Variants in ADGRB1 observed in about 807,000 individuals in gnomAD.
ADGRB1 encodes the protein brain-specific angiogenesis inhibitor 1.
Under a neutral mutation model 175.7 loss-of-function variants are expected in ADGRB1, and 36 were observed. The ratio of observed to expected loss-of-function variants is 0.20; its 90% CI spans 0.16 to 0.27. The LOEUF (loss-of-function observed/expected upper bound fraction) is 0.27, where lower values mean the gene tolerates loss of function less well. Among genes scored for constraint, ADGRB1 ranks in the 10% least tolerant of loss-of-function variants. The pLI is 1.00. For missense variants in ADGRB1, 1,731 were observed against 2,255.3 expected, an observed-to-expected ratio of 0.77 and a Z score of 4.71; for synonymous variants, 1,054 against 979.4, an observed-to-expected ratio of 1.08 and a Z score of -1.42.
Position 142,478,178 on chromosome 8 carries a change from C to T in ADGRB1, c.1388-9C>T. The stretch of plus-strand genomic sequence containing the variant: ...TTCACGCCCACTTTGTGTCTCCTTC[C>T]TCCCCCGGGCCGGGCAGTGGATGGA... On this transcript the variant is annotated splice_polypyrimidine_tract_variant and intron_variant, in intron 6 of 30. Coordinates refer to ENST00000517894, the MANE Select transcript of ADGRB1 (RefSeq NM_001702.3). 2 of 1,597,182 alleles carry T rather than the reference C, an allele frequency of 1.3e-6. No homozygotes were observed. Among genetic ancestry groups the T allele is most frequent in the Non-Finnish European group, 1.7e-6 (2 of 1,172,710 alleles).
rs375975071 is a variant in ADGRB1, at chr8:142,542,153, C to A, written c.3919C>A (p.Leu1307Met). 2 of 1,613,674 alleles carry A rather than the reference C, an allele frequency of 1.2e-6. No homozygotes were observed. Among genetic ancestry groups the A allele is most frequent in the Non-Finnish European group, 1.7e-6 (2 of 1,179,832 alleles). The change falls in exon 28 of 31, where the codon CTG becomes ATG. Residue 1307 changes from leucine to methionine, a missense_variant. This residue lies in a region of ADGRB1 where 394 missense variants were observed against 410.2 expected (regional missense o/e 0.96). Transcript: ENST00000517894. The surrounding 1 kb of genome is among the most constrained non-coding windows in gnomAD (Gnocchi z 6.3). The stretch of plus-strand genomic sequence containing the variant: ...CCTGCCCGACTTCCCCAACCACTCA[C>A]TGACCCTCAAGAGGGACAAGGCGCC... ...GPLPDFPNHSLTLKRDKAPKS... is the reference protein window; with the variant it reads ...GPLPDFPNHSMTLKRDKAPKS...
At chr8:142,530,078 CTGTG>C (rs141929598) in intron 24 of ADGRB1, among the ~76,000 whole-genome samples, 1 of 151,680 alleles carries the variant, frequency 6.6e-6, no homozygotes, top group Non-Finnish European at 1.5e-5. Context: ...GAGTGTGCAT[CTGTG>C]TGTGAGTGCA....
chr8:142,487,400 C>T (rs1346496716), intron 13 of ADGRB1, among the ~76,000 whole-genome samples: 1 of 152,182 alleles, frequency 6.6e-6, no homozygotes, highest in Non-Finnish European at 1.5e-5. Context: ...CCTCCGCTCA[C>T]TGGGTGCTGA....
chr8:142,463,117 G>A (rs190248203), intron 1 of ADGRB1, among the ~76,000 whole-genome samples: 2 of 152,336 alleles, frequency 1.3e-5, no homozygotes, highest in African/African-American at 4.8e-5. Context: ...CATCATGAAT[G>A]ATAGGAAGTA....
At chr8:142,470,146 C>T (rs1484806205) in intron 2 of ADGRB1, among the ~76,000 whole-genome samples, 1 of 152,186 alleles carries the variant, frequency 6.6e-6, no homozygotes, top group African/African-American at 2.4e-5. Flanking sequence ...TTCCCCTCCA[C>T]CTCGTGCTGC....
chr8:142,453,439 C>A (rs1839479933), intron 1 of ADGRB1, among the ~76,000 whole-genome samples: 1 of 152,330 alleles, frequency 6.6e-6, no homozygotes, highest in South Asian at 2.1e-4. Context: ...AGACCCCGAA[C>A]CAGGAGGGTA....
rs371498093 is a variant in ADGRB1 at position 142,493,485 on chromosome 8, C to T, written c.2675+2670C>T. 1.1e-4 allele frequency among the ~76,000 whole-genome samples: 17 copies of T among 152,222 alleles called. No individual in the cohort carries two copies. Among genetic ancestry groups the T allele is most frequent in the African/African-American group, 2.2e-4 (9 of 41,462 alleles). On this transcript the variant is annotated intron_variant, in intron 17 of 30. Transcript: ENST00000517894. The surrounding 1 kb of genome is among the most constrained non-coding windows in gnomAD (Gnocchi z 5.0). ...GTCACACCAGGTGTTCCACCCACCC[C>T]GTCACCGGCTGGGTGCGCTGAGTGC...
rs1840110003 is a variant in ADGRB1, at chr8:142,464,093, T to C, written c.-106T>C. ...CCATCCCACCCTTGCCCCGCCTCCCTGCCCCCACCGGGCCGGCCCTGCCCG... is the reference window on the plus strand; with the variant it reads ...CCATCCCACCCTTGCCCCGCCTCCCCGCCCCCACCGGGCCGGCCCTGCCCG... On this transcript the variant is annotated 5_prime_UTR_variant, in exon 2 of 31. Coordinates refer to ENST00000517894, the MANE Select transcript of ADGRB1 (RefSeq NM_001702.3). 28 of 208,310 alleles carry C rather than the reference T, an allele frequency of 1.3e-4. No homozygotes were observed. The highest frequency in any genetic ancestry group is 1.9e-4 in the Non-Finnish European group (23 of 118,958). The allele number at this position is 208,310 out of a possible 1,614,324, so 12.9% of individuals were successfully genotyped here.
In ADGRB1 at chr8:142,511,729, G is replaced by A. The variant is rs921048822; in HGVS notation, c.2817+656G>A. 6.6e-6 allele frequency among the ~76,000 whole-genome samples: 1 copy of A among 152,234 alleles called. No homozygotes were observed. Among genetic ancestry groups the A allele is most frequent in the African/African-American group, 2.4e-5 (1 of 41,468 alleles). On this transcript the variant is annotated intron_variant, in intron 18 of 30. Coordinates refer to ENST00000517894, the MANE Select transcript of ADGRB1 (RefSeq NM_001702.3). This position sits in a 1 kb window ranked among gnomAD's most constrained non-coding sequence, Gnocchi z 4.5. The stretch of plus-strand genomic sequence containing the variant: ...GGTGCTGGGCGCAGCTCCCTGGGGC[G>A]GGTGGGCTCTCTTGCTTTGGGCCGG...
At position 142,493,375 on chromosome 8, in the gene ADGRB1, G is replaced by A. The variant is rs1005870128; in HGVS notation, c.2675+2560G>A. ...GCAGGGGCGGGGGCAGCAGGACGGC[G>A]GTCAAGTCCCCAGGGTGTTTGGCGT... On this transcript the variant is annotated intron_variant, in intron 17 of 30. Transcript: ENST00000517894. The surrounding 1 kb of genome is among the most constrained non-coding windows in gnomAD (Gnocchi z 5.0). 9.9e-5 allele frequency among the ~76,000 whole-genome samples: 15 copies of A among 152,056 alleles called. No individual in the cohort carries two copies. Among genetic ancestry groups the A allele is most frequent in the African/African-American group, 3.1e-4 (13 of 41,416 alleles).
At chr8:142,462,363 G>T (rs921019208) in intron 1 of ADGRB1, among the ~76,000 whole-genome samples, 1 of 152,174 alleles carries the variant, frequency 6.6e-6, no homozygotes, top group Non-Finnish European at 1.5e-5. Flanking sequence ...TTAATCTCTT[G>T]TTGAGAGCAG....
chr8:142,505,922 G>A (rs899576214), intron 17 of ADGRB1, among the ~76,000 whole-genome samples: 6 of 152,282 alleles, frequency 3.9e-5, no homozygotes, highest in African/African-American at 1.4e-4. Context: ...TGGGGGAGGT[G>A]AAGCGGGGAC....
At chr8:142,471,815 GGCA>G in intron 2 of ADGRB1, among the ~76,000 whole-genome samples, 1 of 152,370 alleles carries the variant, frequency 6.6e-6, no homozygotes, top group Middle Eastern at 3.4e-3. Context: ...AGGAGCGGCT[GGCA>G]GCAGGTGGGC....
At position 142,537,112 on chromosome 8, in the gene ADGRB1, GC is replaced by G. The variant is rs1417970603; in HGVS notation, c.3666+33del. On this transcript the variant is annotated intron_variant, in intron 26 of 30. Transcript: ENST00000517894. This position sits in a 1 kb window ranked among gnomAD's most constrained non-coding sequence, Gnocchi z 4.6. The stretch of plus-strand genomic sequence containing the variant: ...GACTCAGGGCCCGGGGACTCAGGCT[GC>G]CCTACCTGCCTCGTACCCCCGCCAA... 1 of 1,428,754 alleles carries G rather than the reference GC, an allele frequency of 7.0e-7. No individual in the cohort carries two copies. The highest frequency in any genetic ancestry group is 2.8e-5 in the East Asian group (1 of 36,246). The allele number at this position is 1,428,754 out of a possible 1,614,324, so 88.5% of individuals were successfully genotyped here. A position where few individuals can be genotyped will look rare whatever the true frequency, so the allele number is the denominator to read the frequency against.
intron 23 of ADGRB1, 39 bp from the exon 24 acceptor site, chr8:142,526,503 G>GGGCCCCCCCCCCCCCCCCC: frequency 1.6e-6 from 2 of 1,259,274 alleles, no homozygotes; most frequent in Non-Finnish European, 2.3e-6. Flanking sequence ...GCCTACGGCG[G>GGGCCCCCCCCCCCCCCCCC]CCCCCACCCC....
chr8:142,485,653 C>T (rs1841632658), intron 13 of ADGRB1, among the ~76,000 whole-genome samples: 1 of 152,228 alleles, frequency 6.6e-6, no homozygotes, highest in Non-Finnish European at 1.5e-5. Context: ...GGGGCCTTGC[C>T]CAGTGCCTAT....
intron 2 of ADGRB1, among the ~76,000 whole-genome samples, chr8:142,469,330 CATGT>C (rs1161118664): frequency 3.7e-4 from 55 of 147,594 alleles, no homozygotes; most frequent in African/African-American, 1.3e-3. Context: ...TGTGCACATG[CATGT>C]GTGTGAATGT....
Position 142,464,284 on chromosome 8 carries a change from G to C in ADGRB1, c.86G>C (p.Arg29Pro), listed in dbSNP as rs992079676. The C allele has an allele frequency of 6.6e-6, 9 of 1,363,346 alleles. No individual in the cohort carries two copies. The African/African-American group carries it at 1.4e-4, about 21-fold the overall frequency. The allele number at this position is 1,363,346 out of a possible 1,614,324, so 84.5% of individuals were successfully genotyped here. The change falls in exon 2 of 31, where the codon CGG becomes CCG. Residue 29 changes from arginine (R) to proline (P), a missense_variant. Arg to Pro is a moderately radical substitution (Grantham distance 103). Coordinates refer to ENST00000517894, the MANE Select transcript of ADGRB1 (RefSeq NM_001702.3). Reference sequence around the variant, plus strand: ...CTGCTGCTGCTGGGACGCCGCGCGCGGGCGGCCGCCGGAGCAGACGCGGGG... The same window carrying C: ...CTGCTGCTGCTGGGACGCCGCGCGCCGGCGGCCGCCGGAGCAGACGCGGGG... ...LLLLLLGRRARAAAGADAGPG... is the reference protein window; with the variant it reads ...LLLLLLGRRAPAAAGADAGPG...
intron 15 of ADGRB1, 21 bp downstream of exon 15, chr8:142,489,131 G>A (rs759311345): frequency 6.3e-7 from 1 of 1,592,508 alleles, no homozygotes. Flanking sequence ...CTGGGCAGGT[G>A]GGGTGGGCAG....
Sources: gnomAD v4.1 joint callset for allele counts (sites outside exome capture counted in the v4.1 genomes callset) on GRCh38, gnomAD v4.1.1 for gene constraint, gnomAD v4.1.1 regional missense constraint, Gnocchi (gnomAD v3.1) non-coding constraint, MANE v1.5 for transcripts, NCBI Gene and HGNC (gene_info 2026-07-23, HGNC 2026-07-21) for gene names.